Variants in HCRTR2 observed in about 807,000 individuals in gnomAD.
HCRTR2 encodes orexin receptor type 2.
Under a neutral mutation model 49.0 loss-of-function variants are expected in HCRTR2, and 22 were observed. That is an observed-to-expected ratio of 0.45 (90% CI 0.32 to 0.64). The LOEUF (loss-of-function observed/expected upper bound fraction) is 0.64, where lower values mean the gene tolerates loss of function less well. Among genes scored for constraint, HCRTR2 ranks in the 30% least tolerant of loss-of-function variants. The pLI is 0.04. For synonymous variants in HCRTR2, 236 were observed against 205.3 expected (o/e 1.15, Z -1.28); for missense variants, 491 against 559.4 (o/e 0.88, Z 1.23).
At chr6:55,224,624 G>GT (rs980151716) in intron 1 of HCRTR2, among the ~76,000 whole-genome samples, 2 of 114,500 alleles carry the variant, frequency 1.7e-5, no homozygotes, top group African/African-American at 4.4e-5. Flanking sequence ...CTCCGTCTCA[G>GT]TTAAAAAAAA....
chr6:55,158,130 T>G (rs1274310818), intron 1 of HCRTR2, among the ~76,000 whole-genome samples: 3 of 152,126 alleles, frequency 2.0e-5, no homozygotes, highest in Non-Finnish European at 2.9e-5. Context: ...TGGGACTGGT[T>G]AGATAGTGAG....
intron 3 of HCRTR2, 42 bp from the exon 4 acceptor site, chr6:55,263,665 C>A: frequency 2.0e-6 from 2 of 1,014,302 alleles, no homozygotes; most frequent in Non-Finnish European, 1.6e-6. Context: ...AAAAGTCCAT[C>A]AATTGTAACG....
intron 1 of HCRTR2, among the ~76,000 whole-genome samples, chr6:55,127,334 C>G (rs964951609): frequency 6.6e-6 from 1 of 151,994 alleles, no homozygotes; most frequent in Non-Finnish European, 1.5e-5. Context: ...GAAAACTCCC[C>G]GACCCCTTGC....
In HCRTR2 at chr6:55,277,580, C is replaced by T. The variant is rs150226786; in HGVS notation, c.963C>T (p.Ser321=). 2.6e-5 allele frequency: 42 copies of T among 1,611,722 alleles called. No homozygotes were observed. In the African/African-American group the frequency reaches 5.1e-4, roughly 19 times the overall value. Residue 321 remains serine (S), a synonymous_variant, in exon 5 of 7, where the codon AGC becomes AGT. Coordinates refer to ENST00000370862, the MANE Select transcript of HCRTR2 (RefSeq NM_001384272.1). ...TTGCAATTTGCTATCTACCAATTAG[C>T]ATCCTCAATGTGCTAAAGAGGTAAA... The part of the protein sequence containing the change: ...LVFAICYLPI[S]ILNVLKRVFG...
chr6:55,108,735 G>C (rs1376840764), intron 1 of HCRTR2, among the ~76,000 whole-genome samples: 1 of 151,994 alleles, frequency 6.6e-6, no homozygotes, highest in African/African-American at 2.4e-5. Context: ...GTGGAATTGG[G>C]GAAAGGCCAC....
intron 1 of HCRTR2, among the ~76,000 whole-genome samples, chr6:55,205,604 C>T (rs567157259): frequency 1.3e-4 from 20 of 151,816 alleles, no homozygotes; most frequent in African/African-American, 4.6e-4. Flanking sequence ...GAATTGAAGA[C>T]ATTTATACTG....
chr6:55,277,250 A>C (rs955245988), intron 4 of HCRTR2, 130 bp from the exon 5 acceptor site: 2 of 738,514 alleles, frequency 2.7e-6, no homozygotes, highest in Non-Finnish European at 2.4e-6. Context: ...TGCTCTGGAG[A>C]AACAGGCGCT....
intron 1 of HCRTR2, among the ~76,000 whole-genome samples, chr6:55,121,985 G>T (rs1158384584): frequency 3.3e-5 from 5 of 152,176 alleles, no homozygotes; most frequent in African/African-American, 7.2e-5. Flanking sequence ...CATAAAATGA[G>T]TTAGGGAGGA....
chr6:55,107,476 A>G (rs1360995379), intron 1 of HCRTR2, among the ~76,000 whole-genome samples: 1 of 152,140 alleles, frequency 6.6e-6, no homozygotes, highest in Admixed American at 6.6e-5. Context: ...GGCATAAGGC[A>G]TAAGTACTTA....
rs145379982 is a variant in HCRTR2, at chr6:55,258,965, C to A, written c.646+3586C>A. Among the ~76,000 whole-genome samples the A allele has an allele frequency of 3.7e-4, 56 of 152,182 alleles. No homozygotes were observed. The East Asian group carries it at 0.01, about 28-fold the overall frequency. On this transcript the variant is annotated intron_variant, in intron 3 of 6. Transcript: ENST00000370862. ...ACTCGGGAAGCTGAGGCAGGACAAT[C>A]GCTTGAAACCGAAAGGCGGAGGTTG... is the stretch of plus-strand genomic sequence containing the variant.
chr6:55,153,782 C>A (rs34639957), intron 1 of HCRTR2, among the ~76,000 whole-genome samples: 2,360 of 151,296 alleles, frequency 0.016, 30 homozygotes, highest in Middle Eastern at 0.038. Flanking sequence ...AGAAGAAAGA[C>A]AATAACAAAG....
At chr6:55,123,908 T>G (rs1473840715) in intron 1 of HCRTR2, among the ~76,000 whole-genome samples, 2 of 152,198 alleles carry the variant, frequency 1.3e-5, no homozygotes, top group Non-Finnish European at 2.9e-5. Context: ...TCTAGTTTTT[T>G]GTCTAGAGGT....
At chr6:55,209,754 T>C (rs954059316) in intron 1 of HCRTR2, among the ~76,000 whole-genome samples, 2 of 152,206 alleles carry the variant, frequency 1.3e-5, no homozygotes, top group African/African-American at 2.4e-5. Flanking sequence ...AAAGTAGGTT[T>C]TCATATTGGC....
intron 2 of HCRTR2, among the ~76,000 whole-genome samples, chr6:55,253,419 G>A (rs1212886876): frequency 1.3e-5 from 2 of 152,102 alleles, no homozygotes; most frequent in African/African-American, 2.4e-5. Flanking sequence ...AGGTCCTCAT[G>A]TAAAAGACAG....
At chr6:55,266,339 A>G (rs2653342) in intron 4 of HCRTR2, among the ~76,000 whole-genome samples, 135,481 of 152,204 alleles carry the variant, frequency 0.89, 60,617 homozygotes, top group African/African-American at 0.97. Context: ...TAAATAGCAC[A>G]TGCTCAGCAC....
At chr6:55,193,670 T>C (rs1447351303) in intron 1 of HCRTR2, among the ~76,000 whole-genome samples, 1 of 152,056 alleles carries the variant, frequency 6.6e-6, no homozygotes, top group African/African-American at 2.4e-5. Flanking sequence ...TGAAACTTGA[T>C]CAAAATACTG....
At chr6:55,127,314 A>G (rs186603905) in intron 1 of HCRTR2, among the ~76,000 whole-genome samples, 38 of 152,116 alleles carry the variant, frequency 2.5e-4, no homozygotes, top group African/African-American at 8.9e-4. Flanking sequence ...CGGCTCCCTC[A>G]GGTAGGGGAG....
chr6:55,280,518 A>G (rs1767168959), intron 6 of HCRTR2, 74 bp downstream of exon 6: 2 of 1,593,840 alleles, frequency 1.3e-6, no homozygotes, highest in African/African-American at 2.7e-5. Flanking sequence ...CTCTTCAACT[A>G]TATGAGGAGT....
intron 1 of HCRTR2, among the ~76,000 whole-genome samples, chr6:55,183,231 G>A (rs953713473): frequency 7.2e-5 from 11 of 152,212 alleles, no homozygotes; most frequent in African/African-American, 2.7e-4. Flanking sequence ...AGGACACTTA[G>A]CTCTGCTGGG....
Sources: allele counts gnomAD v4.1 joint callset (sites outside exome capture counted in the v4.1 genomes callset), GRCh38; gene constraint gnomAD v4.1.1; transcripts MANE v1.5; gene names NCBI Gene and HGNC (gene_info 2026-07-23, HGNC 2026-07-21).